The following THSD7A variants were observed in gnomAD, a reference collection of about 807,000 sequenced individuals.
The protein encoded by THSD7A is thrombospondin type 1 domain containing 7A, also known as thrombospondin type-1 domain-containing protein 7A.
In THSD7A, 96 loss-of-function variants were observed where a neutral mutation model predicts 231.3. The ratio of observed to expected loss-of-function variants is 0.41; its 90% CI spans 0.35 to 0.49. The LOEUF is 0.49. Among genes scored for constraint, THSD7A ranks in the 20% least tolerant of loss-of-function variants. The probability of loss-of-function intolerance (pLI) is 0.05; values close to 1 mark genes in which losing one functional copy is unlikely to be tolerated. For synonymous variants in THSD7A, 940 were observed against 743.3 expected, an observed-to-expected ratio of 1.26 and a Z score of -4.30; for missense variants, 2,290 against 2,070.2, an observed-to-expected ratio of 1.11 and a Z score of -2.06.
chr7:11,424,959 T>C (rs1784271253), intron 15 of THSD7A, 130 bp from the exon 16 acceptor site: 1 of 1,130,914 alleles, frequency 8.8e-7, no homozygotes, highest in Non-Finnish European at 1.3e-6. Flanking sequence ...CTTATTATTC[T>C]AACATTGCAA....
intron 2 of THSD7A, among the ~76,000 whole-genome samples, chr7:11,598,010 G>C (rs926053027): frequency 6.6e-6 from 1 of 152,172 alleles, no homozygotes; most frequent in Non-Finnish European, 1.5e-5. Flanking sequence ...CGGTATGCAG[G>C]CGCCACCTGA....
chr7:11,788,761 A>G (rs1269169252), intron 1 of THSD7A, among the ~76,000 whole-genome samples: 1 of 151,972 alleles, frequency 6.6e-6, no homozygotes, highest in Non-Finnish European at 1.5e-5. Context: ...ACTCGATTTT[A>G]TTATCTGTAA....
intron 5 of THSD7A, among the ~76,000 whole-genome samples, chr7:11,542,567 C>A (rs1789198027): frequency 6.6e-6 from 1 of 152,150 alleles, no homozygotes; most frequent in Admixed American, 6.5e-5. Context: ...TGATTGACTG[C>A]TTAGAGACAA....
intron 1 of THSD7A, among the ~76,000 whole-genome samples, chr7:11,691,805 A>G (rs1182597660): frequency 6.6e-6 from 1 of 151,484 alleles, no homozygotes; most frequent in Non-Finnish European, 1.5e-5. Flanking sequence ...TGGTATAAAA[A>G]TGATATTGAA....
At chr7:11,604,444 A>C (rs1397999229) in intron 2 of THSD7A, among the ~76,000 whole-genome samples, 2 of 152,174 alleles carry the variant, frequency 1.3e-5, no homozygotes, top group Non-Finnish European at 2.9e-5. Context: ...TTTGTTTTTA[A>C]TAGTTACTGC....
intron 6 of THSD7A, among the ~76,000 whole-genome samples, chr7:11,527,297 C>T (rs1197159086): frequency 6.6e-6 from 1 of 151,916 alleles, no homozygotes; most frequent in East Asian, 1.9e-4. Flanking sequence ...ATCTCAGCAG[C>T]TATGATTTCT....
At chr7:11,441,531 G>C (rs1026690442) in intron 13 of THSD7A, among the ~76,000 whole-genome samples, 3 of 152,026 alleles carry the variant, frequency 2.0e-5, no homozygotes. Context: ...GAAGTACCTA[G>C]TACTGTGTGG....
chr7:11,735,072 C>T (rs916502659), intron 1 of THSD7A, among the ~76,000 whole-genome samples: 6 of 151,824 alleles, frequency 4.0e-5, no homozygotes, highest in African/African-American at 7.2e-5. Flanking sequence ...TTCTGAAATG[C>T]CTTCTAACTT....
chr7:11,516,273 A>C (rs1788026613), intron 6 of THSD7A, among the ~76,000 whole-genome samples: 2 of 152,222 alleles, frequency 1.3e-5, no homozygotes, highest in Admixed American at 1.3e-4. Flanking sequence ...TTACAAAATC[A>C]GAAATTTTAA....
At chr7:11,653,661 T>G (rs1483737088) in intron 1 of THSD7A, among the ~76,000 whole-genome samples, 2 of 151,786 alleles carry the variant, frequency 1.3e-5, no homozygotes, top group Non-Finnish European at 2.9e-5. Flanking sequence ...GCACCTAGCT[T>G]CAGTTATGCT....
chr7:11,647,291 G>A (rs1314480326), intron 1 of THSD7A, among the ~76,000 whole-genome samples: 1 of 151,960 alleles, frequency 6.6e-6, no homozygotes, highest in Non-Finnish European at 1.5e-5. Context: ...TTGTAGGTAT[G>A]GACAGCACAA....
At chr7:11,556,521 T>G (rs1304487592) in intron 4 of THSD7A, among the ~76,000 whole-genome samples, 3 of 151,926 alleles carry the variant, frequency 2.0e-5, no homozygotes, top group Admixed American at 6.6e-5. Context: ...AAAACTCAAG[T>G]GAAGAAAAGC....
chr7:11,450,981 T>G (rs1785124436), intron 11 of THSD7A, among the ~76,000 whole-genome samples: 1 of 152,034 alleles, frequency 6.6e-6, no homozygotes, highest in Non-Finnish European at 1.5e-5. Context: ...TGTATTTATA[T>G]AAAGCACAGC....
At chr7:11,724,421 T>C (rs1286964636) in intron 1 of THSD7A, among the ~76,000 whole-genome samples, 1 of 151,896 alleles carries the variant, frequency 6.6e-6, no homozygotes, top group Non-Finnish European at 1.5e-5. Flanking sequence ...CTCTGCAGTA[T>C]TGACAGCAGA....
Position 11,371,464 on chromosome 7 carries a change from C to T in THSD7A, c.*4330G>A, listed in dbSNP as rs1288374545. ...TCAAGGACTACTGTTTTTTCAACACCCTCAATCTTACAGTGGAAATAGAAG... is the reference window on the plus strand; with the variant it reads ...TCAAGGACTACTGTTTTTTCAACACTCTCAATCTTACAGTGGAAATAGAAG... On this transcript the variant is annotated 3_prime_UTR_variant, in exon 28 of 28. Transcript: ENST00000423059. The T allele has an allele frequency of 6.6e-6, 1 of 152,132 alleles. No individual in the cohort carries two copies. The highest frequency in any genetic ancestry group is 2.4e-5 in the African/African-American group (1 of 41,424). 9.4% of individuals were successfully genotyped at this position (152,132 alleles called of 1,614,324 possible). A position where few individuals can be genotyped will look rare whatever the true frequency, so the allele number is the denominator to read the frequency against.
intron 1 of THSD7A, among the ~76,000 whole-genome samples, chr7:11,750,066 G>A (rs987262256): frequency 1.4e-5 from 2 of 146,084 alleles, no homozygotes; most frequent in African/African-American, 2.6e-5. Context: ...CTAAATAACT[G>A]CAGGGTGGAA....
rs954996378 is a variant in THSD7A at position 11,383,033 on chromosome 7, T to C, written c.4412-417A>G. ...ATGAATAAAACATGAGATATATAATTATATTCTTTTCTGTTCTGATCACCC... is the reference window on the plus strand; with the variant it reads ...ATGAATAAAACATGAGATATATAATCATATTCTTTTCTGTTCTGATCACCC... On this transcript the variant is annotated intron_variant, in intron 23 of 27. Coordinates refer to ENST00000423059, the MANE Select transcript of THSD7A (RefSeq NM_015204.3). Among the ~76,000 whole-genome samples the C allele has an allele frequency of 4.0e-5, 6 of 151,614 alleles. No homozygotes were observed. In the Admixed American group the frequency reaches 4.0e-4, roughly 10 times the overall value.
intron 2 of THSD7A, among the ~76,000 whole-genome samples, chr7:11,603,374 A>T (rs1780618570): frequency 6.6e-6 from 1 of 151,956 alleles, no homozygotes. Context: ...AAAGTCAGGA[A>T]CCAACAGGTG....
At chr7:11,700,462 AATT>A (rs1269617925) in intron 1 of THSD7A, among the ~76,000 whole-genome samples, 3 of 151,266 alleles carry the variant, frequency 2.0e-5, no homozygotes, top group Non-Finnish European at 1.5e-5. Context: ...CTAATGCAAA[AATT>A]ATTAACTCAT....
Sources: gnomAD v4.1 joint callset for allele counts (sites outside exome capture counted in the v4.1 genomes callset) on GRCh38, gnomAD v4.1.1 for gene constraint, MANE v1.5 for transcripts, NCBI Gene and HGNC (gene_info 2026-07-23, HGNC 2026-07-21) for gene names.